Variants in ADAMTS2 observed in about 807,000 individuals in gnomAD.
ADAMTS2 encodes the protein ADAM metallopeptidase with thrombospondin type 1 motif 2, also known as A disintegrin and metalloproteinase with thrombospondin motifs 2.
In ADAMTS2, 50 loss-of-function variants were observed where a neutral mutation model predicts 123.0. The observed-to-expected ratio is 0.41, with a 90% CI of 0.32 to 0.51. The LOEUF (loss-of-function observed/expected upper bound fraction) is 0.51, where lower values mean the gene tolerates loss of function less well. ADAMTS2 is among the 20% of genes least tolerant of loss of function. The pLI, the probability that ADAMTS2 is intolerant of heterozygous loss-of-function variation, is 0.35. For synonymous variants in ADAMTS2, 678 were observed against 695.4 expected, an observed-to-expected ratio of 0.98 and a Z score of 0.39; for missense variants, 1,494 against 1,705.2, an observed-to-expected ratio of 0.88 and a Z score of 2.18.
At chr5:179,330,699 C>T (rs539920506) in intron 2 of ADAMTS2, among the ~76,000 whole-genome samples, 13 of 152,356 alleles carry the variant, frequency 8.5e-5, no homozygotes, top group African/African-American at 2.9e-4. Context: ...TTGCCCAGCA[C>T]ACCACCTGCA....
chr5:179,220,108 A>G (rs1765093540), intron 3 of ADAMTS2, among the ~76,000 whole-genome samples: 1 of 152,224 alleles, frequency 6.6e-6, no homozygotes, highest in South Asian at 2.1e-4. Context: ...GGCCTGGGTA[A>G]TGTCACGGGG....
rs142275705 is a variant in ADAMTS2 at position 179,137,809 on chromosome 5, G to T, written c.1911C>A (p.Gly637=). The T allele has an allele frequency of 6.3e-7, 1 of 1,579,768 alleles. No individual in the cohort carries two copies. Among genetic ancestry groups the T allele is most frequent in the African/African-American group, 1.3e-5 (1 of 74,176 alleles). ...CRQWDLYFEH[G]DAQHHWLPHE... Reference sequence around the variant, plus strand: ...GGGGCAGCCAGTGGTGCTGGGCGTCGCCGTGCTCGAAGTACAGGTCCCACT... The same window carrying T: ...GGGGCAGCCAGTGGTGCTGGGCGTCTCCGTGCTCGAAGTACAGGTCCCACT... The change falls in exon 12 of 22, where the codon GGC becomes GGA. Residue 637 remains glycine, a synonymous_variant. Transcript: ENST00000251582.
chr5:179,154,018 G>T, intron 8 of ADAMTS2, 31 bp downstream of exon 8: 1 of 1,582,464 alleles, frequency 6.3e-7, no homozygotes, highest in Non-Finnish European at 8.6e-7. Flanking sequence ...GGACTGAGGG[G>T]TCGCCCACGG....
rs1764256215 is a variant in ADAMTS2 at position 179,189,566 on chromosome 5, C to A, written c.892-8411G>T. On this transcript the variant is annotated intron_variant, in intron 4 of 21. Transcript: ENST00000251582. The surrounding 1 kb of genome is among the most constrained non-coding windows in gnomAD (Gnocchi z 4.2). ...TAGAGGCAGGGTTTCACAATGTTAG[C>A]CAGGATGGTCTTGATCTCCTGACTT... Among the ~76,000 whole-genome samples the A allele has an allele frequency of 8.2e-6, 1 of 121,660 alleles. No individual in the cohort carries two copies. The highest frequency in any genetic ancestry group is 3.2e-5 in the African/African-American group (1 of 31,242). 79.8% of individuals were successfully genotyped at this position (121,660 alleles called of 152,430 possible). A position where few individuals can be genotyped will look rare whatever the true frequency, so the allele number is the denominator to read the frequency against.
intron 10 of ADAMTS2, among the ~76,000 whole-genome samples, chr5:179,148,896 C>T (rs1763301115): frequency 6.6e-6 from 1 of 152,156 alleles, no homozygotes; most frequent in Non-Finnish European, 1.5e-5. Flanking sequence ...TCAGGCTGGG[C>T]CAACAGGAAC....
At chr5:179,287,733 G>A (rs558897955) in intron 2 of ADAMTS2, among the ~76,000 whole-genome samples, 2 of 152,318 alleles carry the variant, frequency 1.3e-5, no homozygotes, top group South Asian at 2.1e-4. Flanking sequence ...TTCCCACAGC[G>A]GGTGCTCCTC....
At chr5:179,338,603 C>T (rs911797753) in intron 2 of ADAMTS2, among the ~76,000 whole-genome samples, 20 of 152,224 alleles carry the variant, frequency 1.3e-4, no homozygotes, top group African/African-American at 4.6e-4. Flanking sequence ...CATTCCAGAC[C>T]AGCAGAGCAG....
intron 10 of ADAMTS2, among the ~76,000 whole-genome samples, chr5:179,144,574 G>A (rs1382339412): frequency 1.3e-5 from 2 of 152,156 alleles, no homozygotes; most frequent in African/African-American, 4.8e-5. Flanking sequence ...CAAATATACC[G>A]ACGGAATAGA....
At chr5:179,333,019 G>A (rs963791973) in intron 2 of ADAMTS2, among the ~76,000 whole-genome samples, 1 of 152,290 alleles carries the variant, frequency 6.6e-6, no homozygotes, top group African/African-American at 2.4e-5. Context: ...CCTCCCTACT[G>A]TGTGGCCTTG....
chr5:179,270,119 C>T (rs768766529), intron 3 of ADAMTS2, among the ~76,000 whole-genome samples: 1 of 152,192 alleles, frequency 6.6e-6, no homozygotes, highest in Non-Finnish European at 1.5e-5. Flanking sequence ...ATTTTCTATC[C>T]GTTTCCCCCA....
Position 179,160,408 on chromosome 5 carries a change from G to C in ADAMTS2, c.976-1529C>G, listed in dbSNP as rs577426242. Among the ~76,000 whole-genome samples, 4 of 152,282 alleles carry C rather than the reference G, an allele frequency of 2.6e-5. No individual in the cohort carries two copies. In the East Asian group the frequency reaches 7.7e-4, roughly 29 times the overall value. On this transcript the variant is annotated intron_variant, in intron 5 of 21. Transcript: ENST00000251582. Reference sequence around the variant, plus strand: ...GGAGGTTGCAGTGAGCTGAGATCACGCCACTGCACTCCAGCCTAGGCGACA... The same window carrying C: ...GGAGGTTGCAGTGAGCTGAGATCACCCCACTGCACTCCAGCCTAGGCGACA...
chr5:179,113,720 T>C lies in ADAMTS2; in HGVS notation c.*147A>G. On this transcript the variant is annotated 3_prime_UTR_variant, in exon 22 of 22. Transcript: ENST00000251582. ...TAGTTACCACATGCTCATGCCTATC[T>C]TTCTTACGTCATTCCCCCTCTTTGT... The C allele has an allele frequency of 1.2e-6, 1 of 836,136 alleles. No homozygotes were observed. The highest frequency in any genetic ancestry group is 1.9e-6 in the Non-Finnish European group (1 of 514,202). 51.8% of individuals were successfully genotyped at this position (836,136 alleles called of 1,614,324 possible). A position where few individuals can be genotyped will look rare whatever the true frequency, so the allele number is the denominator to read the frequency against.
rs75782830 is a variant in ADAMTS2 at position 179,135,237 on chromosome 5, G to C, written c.2085+672C>G. Among the ~76,000 whole-genome samples the C allele has an allele frequency of 7.7e-5, 11 of 142,756 alleles. 1 individual carries two copies. The Admixed American group carries it at 7.8e-4, about 10-fold the overall frequency. The allele number at this position is 142,756 out of a possible 152,430, so 93.7% of individuals were successfully genotyped here. A position where few individuals can be genotyped will look rare whatever the true frequency, so the allele number is the denominator to read the frequency against. On this transcript the variant is annotated intron_variant, in intron 13 of 21. Transcript: ENST00000251582. ...ACTCCCCTAGAGGTGCCTTCCTGCCGATGCGGCTGTTTCTCAGGAAGGTCA... is the reference window on the plus strand; with the variant it reads ...ACTCCCCTAGAGGTGCCTTCCTGCCCATGCGGCTGTTTCTCAGGAAGGTCA...
At chr5:179,122,207 C>T (rs903002313) in intron 20 of ADAMTS2, among the ~76,000 whole-genome samples, 1 of 152,166 alleles carries the variant, frequency 6.6e-6, no homozygotes, top group Non-Finnish European at 1.5e-5. Flanking sequence ...CAGGCACGGT[C>T]CAGTCTTGAA....
intron 21 of ADAMTS2, chr5:179,121,437 A>C: frequency 2.5e-6 from 1 of 393,144 alleles, no homozygotes; most frequent in Non-Finnish European, 4.5e-6. Flanking sequence ...AGCCATCACC[A>C]ACCAGGTTCG....
At chr5:179,292,472 G>A (rs1180387795) in intron 2 of ADAMTS2, among the ~76,000 whole-genome samples, 2 of 152,048 alleles carry the variant, frequency 1.3e-5, no homozygotes, top group Non-Finnish European at 2.9e-5. Flanking sequence ...GTGAGCAAAT[G>A]TGTTCGTGCT....
chr5:179,280,401 T>G (rs1324570156), intron 2 of ADAMTS2, among the ~76,000 whole-genome samples: 1 of 152,166 alleles, frequency 6.6e-6, no homozygotes, highest in East Asian at 1.9e-4. Flanking sequence ...AGGCCCCCAG[T>G]TCCCTCATCT....
At chr5:179,126,735 T>C (rs969899450) in intron 17 of ADAMTS2, among the ~76,000 whole-genome samples, 5 of 152,226 alleles carry the variant, frequency 3.3e-5, no homozygotes, top group South Asian at 2.1e-4. Context: ...TTCGAAACCC[T>C]GGCCTGCTGG....
At chr5:179,306,224 A>T (rs1472774570) in intron 2 of ADAMTS2, among the ~76,000 whole-genome samples, 1 of 152,158 alleles carries the variant, frequency 6.6e-6, no homozygotes, top group Non-Finnish European at 1.5e-5. Context: ...TCAGCAAAAC[A>T]CTGGCAAGTC....
Sources: allele counts gnomAD v4.1 joint callset (sites outside exome capture counted in the v4.1 genomes callset), GRCh38; gene constraint gnomAD v4.1.1; non-coding constraint Gnocchi (gnomAD v3.1); transcripts MANE v1.5; gene names NCBI Gene and HGNC (gene_info 2026-07-23, HGNC 2026-07-21).